The following DLGAP1 variants were observed in gnomAD, a reference collection of about 807,000 sequenced individuals.
The protein encoded by DLGAP1 is DLG associated protein 1, also known as disks large-associated protein 1.
In DLGAP1, 11 loss-of-function variants were observed where a neutral mutation model predicts 90.8. The observed-to-expected ratio is 0.12, with a 90% CI of 0.08 to 0.20. DLGAP1 has a LOEUF of 0.20. DLGAP1 is among the 10% of genes least tolerant of loss of function. DLGAP1 has a pLI of 1.00. For synonymous variants in DLGAP1, 558 were observed against 540.7 expected (o/e 1.03, Z -0.44); for missense variants, 1,050 against 1,333.8 (o/e 0.79, Z 3.31).
intron 1 of DLGAP1, among the ~76,000 whole-genome samples, chr18:4,173,011 G>T (rs1323428920): frequency 6.6e-6 from 1 of 152,156 alleles, no homozygotes; most frequent in African/African-American, 2.4e-5. Context: ...CATTTATTTT[G>T]CTATGATAGA....
intron 1 of DLGAP1, among the ~76,000 whole-genome samples, chr18:4,430,068 GACA>G (rs2083251192): frequency 6.6e-6 from 1 of 152,260 alleles, no homozygotes; most frequent in African/African-American, 2.4e-5. Context: ...GTGAAAGAAA[GACA>G]ACAAAGTAAA....
intron 1 of DLGAP1, among the ~76,000 whole-genome samples, chr18:4,200,822 G>C (rs1055577769): frequency 1.3e-5 from 2 of 151,902 alleles, no homozygotes; most frequent in Admixed American, 6.6e-5. Context: ...TAAATATTTG[G>C]TCACAATCCT....
At chr18:3,636,301 AT>A (rs1317202914) in intron 7 of DLGAP1, among the ~76,000 whole-genome samples, 2 of 151,418 alleles carry the variant, frequency 1.3e-5, no homozygotes, top group African/African-American at 4.9e-5. Flanking sequence ...CTAATTATAG[AT>A]TTCTGTCTCC....
intron 1 of DLGAP1, among the ~76,000 whole-genome samples, chr18:4,450,429 C>T (rs113649262): frequency 6.6e-6 from 1 of 152,088 alleles, no homozygotes; most frequent in Non-Finnish European, 1.5e-5. Flanking sequence ...TAGCTAAAAC[C>T]GTGTCACCAG....
intron 7 of DLGAP1, among the ~76,000 whole-genome samples, chr18:3,642,233 T>C (rs1188079714): frequency 6.6e-6 from 1 of 152,244 alleles, no homozygotes; most frequent in Non-Finnish European, 1.5e-5. Context: ...GGATTTCAGA[T>C]CTTTTTGAAT....
At chr18:3,654,111 G>C (rs1269220185) in intron 7 of DLGAP1, 2 of 152,198 alleles carry the variant, frequency 1.3e-5, no homozygotes, top group African/African-American at 4.8e-5. Flanking sequence ...GCATGCTCCC[G>C]AGCCTCAGAC....
At chr18:3,559,853 C>A (rs1368085530) in intron 9 of DLGAP1, among the ~76,000 whole-genome samples, 1 of 151,790 alleles carries the variant, frequency 6.6e-6, no homozygotes. Flanking sequence ...GAACTCCTGA[C>A]CTCGTGATCC....
intron 8 of DLGAP1, among the ~76,000 whole-genome samples, chr18:3,575,900 C>CG (rs1213580865): frequency 1.3e-5 from 2 of 152,252 alleles, no homozygotes; most frequent in East Asian, 3.9e-4. Context: ...CAGAGTGCCA[C>CG]AAGGTGCTCC....
At position 3,502,619 on chromosome 18, in the gene DLGAP1, G is replaced by A. The variant is rs753846156; in HGVS notation, c.2598C>T (p.Thr866=). Reference sequence around the variant, plus strand: ...CCCAAAACCCCGCCAAATCCTGGGAGGTGGGTCTTGGATGAGCATTAGGAT... The same window carrying A: ...CCCAAAACCCCGCCAAATCCTGGGAAGTGGGTCTTGGATGAGCATTAGGAT... ...NLNPNAHPRP[T]SQDLAGFWDM... The change falls in exon 12 of 13, where the codon ACC becomes ACT. Residue 866 remains threonine, a synonymous_variant. Transcript: ENST00000315677. 5.0e-6 allele frequency: 8 copies of A among 1,614,078 alleles called. No individual in the cohort carries two copies. Among genetic ancestry groups the A allele is most frequent in the Non-Finnish European group, 5.9e-6 (7 of 1,180,012 alleles).
chr18:4,381,081 G>T (rs1218423153), intron 1 of DLGAP1, among the ~76,000 whole-genome samples: 2 of 152,090 alleles, frequency 1.3e-5, no homozygotes, highest in Non-Finnish European at 2.9e-5. Context: ...CACCCAGGTG[G>T]TTAACACTAT....
intron 1 of DLGAP1, among the ~76,000 whole-genome samples, chr18:4,365,541 A>G (rs745519187): frequency 2.0e-5 from 3 of 152,148 alleles, no homozygotes; most frequent in Non-Finnish European, 2.9e-5. Context: ...AACTAAAATG[A>G]ATGAATTTAA....
At chr18:3,918,409 T>TA (rs2072193103) in intron 3 of DLGAP1, among the ~76,000 whole-genome samples, 2 of 152,290 alleles carry the variant, frequency 1.3e-5, no homozygotes, top group South Asian at 4.1e-4. Flanking sequence ...TTCTGTGAAA[T>TA]AAAAATACTG....
intron 2 of DLGAP1, among the ~76,000 whole-genome samples, chr18:4,027,043 G>C (rs1321504140): frequency 6.6e-6 from 1 of 152,104 alleles, no homozygotes; most frequent in Non-Finnish European, 1.5e-5. Flanking sequence ...TGCAGCCACA[G>C]TGCTGTTCTT....
chr18:4,227,162 T>C (rs778525875), intron 1 of DLGAP1, among the ~76,000 whole-genome samples: 1 of 151,942 alleles, frequency 6.6e-6, no homozygotes, highest in Non-Finnish European at 1.5e-5. Context: ...GATATAACAA[T>C]TGTAAATATA....
intron 7 of DLGAP1, chr18:3,722,646 T>C (rs953771448): frequency 6.6e-6 from 1 of 152,202 alleles, no homozygotes; most frequent in African/African-American, 2.4e-5. Context: ...GAATATTTAT[T>C]ATTTGATTTT....
chr18:4,452,290 G>T (rs192480142), intron 1 of DLGAP1, among the ~76,000 whole-genome samples: 1 of 152,092 alleles, frequency 6.6e-6, no homozygotes, highest in African/African-American at 2.4e-5. Flanking sequence ...GAAATATTAC[G>T]AGATCAGAAT....
At chr18:4,001,850 C>G (rs961201306) in intron 3 of DLGAP1, among the ~76,000 whole-genome samples, 1 of 152,166 alleles carries the variant, frequency 6.6e-6, no homozygotes, top group Non-Finnish European at 1.5e-5. Flanking sequence ...CGGCAGGACT[C>G]TAGGGGTTTC....
chr18:4,171,823 C>T (rs1041386437), intron 1 of DLGAP1, among the ~76,000 whole-genome samples: 4 of 152,030 alleles, frequency 2.6e-5, no homozygotes, highest in African/African-American at 9.7e-5. Context: ...AATCTTGATT[C>T]CCCAGTATTA....
intron 1 of DLGAP1, among the ~76,000 whole-genome samples, chr18:4,251,029 A>C (rs1423840817): frequency 6.6e-6 from 1 of 152,194 alleles, no homozygotes; most frequent in Non-Finnish European, 1.5e-5. Flanking sequence ...TGAAATCTAT[A>C]ATGCCCCAGG....
Sources: allele counts gnomAD v4.1 joint callset (sites outside exome capture counted in the v4.1 genomes callset), GRCh38; gene constraint gnomAD v4.1.1; transcripts MANE v1.5; gene names NCBI Gene and HGNC (gene_info 2026-07-23, HGNC 2026-07-21).